Variants in SCRG1 observed in about 807,000 individuals in gnomAD.
SCRG1 encodes the protein stimulator of chondrogenesis 1.
A neutral mutation model predicts 7.7 loss-of-function variants in SCRG1; 3 were observed. The observed-to-expected ratio is 0.39, with a 90% CI of 0.18 to 1.01. SCRG1 has a LOEUF of 1.01. SCRG1 is among the 50% of genes least tolerant of loss of function. SCRG1 has a pLI of 0.36. For synonymous variants in SCRG1, 46 were observed against 41.2 expected, an observed-to-expected ratio of 1.12 and a Z score of -0.44; for missense variants, 110 against 117.2, an observed-to-expected ratio of 0.94 and a Z score of 0.28.
chr4:173,419,730 C>T, the SCRG1 span: 13 of 1,111,062 alleles, frequency 1.2e-5, no homozygotes, highest in East Asian at 2.4e-5. Context: ...CTGGCAAGGT[C>T]TGCGACCAAA....
the SCRG1 span, among the ~76,000 whole-genome samples, chr4:173,502,544 T>G: frequency 6.6e-6 from 1 of 152,128 alleles, no homozygotes; most frequent in Admixed American, 6.5e-5. The surrounding 1 kb of genome is among the most constrained non-coding windows in gnomAD (Gnocchi z 4.6). Flanking sequence ...GCCTGCAAGT[T>G]TAAGAGATTT....
chr4:173,445,106 A>G, the SCRG1 span, among the ~76,000 whole-genome samples: 1 of 42,964 alleles, frequency 2.3e-5, no homozygotes, highest in African/African-American at 3.7e-5. Context: ...CAGAAATGAT[A>G]AAAAAAGCCA....
chr4:173,470,741 A>G, the SCRG1 span, among the ~76,000 whole-genome samples: 2 of 152,358 alleles, frequency 1.3e-5, no homozygotes, highest in East Asian at 3.9e-4. Flanking sequence ...TAGCCATAAA[A>G]TACAAGTTTA....
the SCRG1 span, among the ~76,000 whole-genome samples, chr4:173,462,885 G>A: frequency 1.3e-5 from 2 of 152,020 alleles, no homozygotes; most frequent in African/African-American, 4.8e-5. Flanking sequence ...TGTTATCAGG[G>A]TAAAATAATG....
At chr4:173,480,348 G>T in the SCRG1 span, among the ~76,000 whole-genome samples, 1 of 150,406 alleles carries the variant, frequency 6.6e-6, no homozygotes, top group East Asian at 2.0e-4. Context: ...ACCAGGACTG[G>T]TTTTTTTTGT....
the SCRG1 span, among the ~76,000 whole-genome samples, chr4:173,515,434 ACT>A: frequency 2.6e-5 from 4 of 151,140 alleles, no homozygotes; most frequent in African/African-American, 9.8e-5. This position sits in a 1 kb window ranked among gnomAD's most constrained non-coding sequence, Gnocchi z 4.6. Flanking sequence ...AAAAAAAAAA[ACT>A]TTAAGTTCAG....
At chr4:173,427,732 A>G in the SCRG1 span, among the ~76,000 whole-genome samples, 1 of 152,190 alleles carries the variant, frequency 6.6e-6, no homozygotes, top group Non-Finnish European at 1.5e-5. Flanking sequence ...TTTTCTTGGC[A>G]TATCTGGCCC....
the SCRG1 span, among the ~76,000 whole-genome samples, chr4:173,480,579 G>A: frequency 3.9e-5 from 6 of 152,046 alleles, no homozygotes; most frequent in African/African-American, 1.2e-4. Context: ...TACTCCATAA[G>A]AATGTGCAAT....
the SCRG1 span, among the ~76,000 whole-genome samples, chr4:173,439,987 C>T: frequency 6.6e-6 from 1 of 152,198 alleles, no homozygotes; most frequent in Non-Finnish European, 1.5e-5. Flanking sequence ...CTAGGTGAAG[C>T]TTCAGAGAAG....
the SCRG1 span, among the ~76,000 whole-genome samples, chr4:173,433,101 T>A: frequency 1.3e-5 from 2 of 152,270 alleles, no homozygotes; most frequent in Non-Finnish European, 2.9e-5. Context: ...ACATATTCTT[T>A]TCTCTTTTTC....
At chr4:173,442,814 C>T in the SCRG1 span, among the ~76,000 whole-genome samples, 1 of 152,244 alleles carries the variant, frequency 6.6e-6, no homozygotes, top group South Asian at 2.1e-4. Flanking sequence ...CAGGAGCCCA[C>T]CCCTGAGGTA....
At chr4:173,448,221 C>T in the SCRG1 span, among the ~76,000 whole-genome samples, 1 of 152,240 alleles carries the variant, frequency 6.6e-6, no homozygotes, top group Non-Finnish European at 1.5e-5. Context: ...GCTCTGGCTT[C>T]TGTAGCCAAG....
chr4:173,434,746 G>GCT, the SCRG1 span, among the ~76,000 whole-genome samples: 6 of 152,268 alleles, frequency 3.9e-5, no homozygotes, highest in South Asian at 1.2e-3. Flanking sequence ...CAGGAGAATT[G>GCT]CTCGAACCTG....
chr4:173,484,418 T>TACA, the SCRG1 span, among the ~76,000 whole-genome samples: 1 of 72,406 alleles, frequency 1.4e-5, no homozygotes, highest in Non-Finnish European at 2.4e-5. Context: ...ACATATAATA[T>TACA]ATATTATATA....
chr4:173,514,658 T>C, the SCRG1 span, among the ~76,000 whole-genome samples: 3 of 152,358 alleles, frequency 2.0e-5, no homozygotes, highest in South Asian at 6.2e-4. Flanking sequence ...GGTCATTAAA[T>C]GGCTGCTGGA....
At chr4:173,483,794 T>C in the SCRG1 span, among the ~76,000 whole-genome samples, 8 of 85,014 alleles carry the variant, frequency 9.4e-5, 3 homozygotes, top group Non-Finnish European at 1.6e-4. Context: ...ATATATCATA[T>C]ATATGATATA....
chr4:173,479,211 T>A, the SCRG1 span, among the ~76,000 whole-genome samples: 107 of 152,258 alleles, frequency 7.0e-4, no homozygotes, highest in Admixed American at 1.3e-3. Context: ...TGGAAACCAA[T>A]GCCCAATTTA....
chr4:173,500,554 G>A, the SCRG1 span, among the ~76,000 whole-genome samples: 1 of 152,010 alleles, frequency 6.6e-6, no homozygotes, highest in Non-Finnish European at 1.5e-5. Flanking sequence ...ATCAAGGCTC[G>A]CTGCGCTGTC....
chr4:173,447,625 G>A, the SCRG1 span, among the ~76,000 whole-genome samples: 1 of 152,178 alleles, frequency 6.6e-6, no homozygotes, highest in Non-Finnish European at 1.5e-5. Flanking sequence ...AAGAAGAATA[G>A]CTTCAATTAT....
Sources: gnomAD v4.1 joint callset for allele counts (sites outside exome capture counted in the v4.1 genomes callset) on GRCh38, gnomAD v4.1.1 for gene constraint, Gnocchi (gnomAD v3.1) non-coding constraint, MANE v1.5 for transcripts, NCBI Gene and HGNC (gene_info 2026-07-23, HGNC 2026-07-21) for gene names.